The following KCNH5 variants were observed in gnomAD, a reference collection of about 807,000 sequenced individuals.
The protein encoded by KCNH5 is potassium voltage-gated channel subfamily H member 5, also known as voltage-gated delayed rectifier potassium channel KCNH5.
KCNH5 carries 46 observed loss-of-function variants against 96.1 expected under a neutral mutation model. That is an observed-to-expected ratio of 0.48 (90% CI 0.38 to 0.61). The LOEUF is 0.61. Ranked by LOEUF, KCNH5 falls within the 20% of genes least tolerant of loss-of-function variation. The pLI is 0.00. For synonymous variants in KCNH5, 439 were observed against 449.8 expected (o/e 0.98, Z 0.30); for missense variants, 907 against 1,225.8 (o/e 0.74, Z 3.88).
chr14:62,815,493 T>A (rs1886959702), intron 8 of KCNH5, among the ~76,000 whole-genome samples: 1 of 152,152 alleles, frequency 6.6e-6, no homozygotes, highest in African/African-American at 2.4e-5. Context: ...TATTTAAATA[T>A]TCTCACCACA....
chr14:62,901,516 A>T (rs1340503245), intron 7 of KCNH5, among the ~76,000 whole-genome samples: 1 of 152,196 alleles, frequency 6.6e-6, no homozygotes, highest in Admixed American at 6.5e-5. Context: ...ACTTAGGATA[A>T]TGGGTTCCAG....
intron 7 of KCNH5, among the ~76,000 whole-genome samples, chr14:62,917,131 A>G (rs1265022257): frequency 1.3e-5 from 2 of 152,226 alleles, no homozygotes; most frequent in Non-Finnish European, 2.9e-5. Flanking sequence ...ATATTAGAAA[A>G]TGATGACACT....
chr14:62,769,438 C>T (rs953050618), intron 10 of KCNH5, among the ~76,000 whole-genome samples: 5 of 152,200 alleles, frequency 3.3e-5, no homozygotes, highest in Non-Finnish European at 5.9e-5. Context: ...AAGTCCTTCA[C>T]AATGGGAATA....
chr14:62,708,087 T>C lies in KCNH5; in HGVS notation c.2388A>G (p.Lys796=). The change falls in exon 11 of 11, where the codon AAA becomes AAG. Residue 796 remains lysine (K), a synonymous_variant. Transcript: ENST00000322893. ...PNGGADQKCL[K]VNSPIRMKNG... ...TCTTCATTCTTATTGGGCTGTTGACTTTGAGACATTTTTGGTCAGCACCGC... is the reference window on the plus strand; with the variant it reads ...TCTTCATTCTTATTGGGCTGTTGACCTTGAGACATTTTTGGTCAGCACCGC... The C allele has an allele frequency of 6.2e-7, 1 of 1,614,254 alleles. No homozygotes were observed.
chr14:62,897,198 T>C (rs898844619), intron 7 of KCNH5, among the ~76,000 whole-genome samples: 2 of 152,066 alleles, frequency 1.3e-5, no homozygotes, highest in African/African-American at 4.8e-5. Context: ...TGAAAATGAC[T>C]AAAGACAATG....
chr14:62,961,986 T>C lies in KCNH5; in HGVS notation c.943-11427A>G, dbSNP rs548206473. On this transcript the variant is annotated intron_variant, in intron 6 of 10. Coordinates refer to ENST00000322893, the MANE Select transcript of KCNH5 (RefSeq NM_139318.5). ...ATGGAGACGGAGATGCAGATAGAGA[T>C]GCAGATGCAGATGGAGATGCAGATG... 2.0e-5 allele frequency among the ~76,000 whole-genome samples: 3 copies of C among 150,434 alleles called. No homozygotes were observed. In the South Asian group the frequency reaches 6.3e-4, roughly 32 times the overall value.
chr14:62,856,782 T>C (rs1407759126), intron 7 of KCNH5, among the ~76,000 whole-genome samples: 3 of 151,310 alleles, frequency 2.0e-5, no homozygotes, highest in Non-Finnish European at 2.9e-5. Context: ...ATTTCTATTT[T>C]CCAATCTTCA....
chr14:62,919,437 C>G (rs925581548), intron 7 of KCNH5, among the ~76,000 whole-genome samples: 1 of 151,998 alleles, frequency 6.6e-6, no homozygotes, highest in African/African-American at 2.4e-5. Flanking sequence ...AGGGATAAAA[C>G]GAAATTGGAA....
rs1324276517 is a variant in KCNH5 at position 62,714,103 on chromosome 14, G to A, written c.2020-5648C>T. Among the ~76,000 whole-genome samples, 50 of 147,886 alleles carry A rather than the reference G, an allele frequency of 3.4e-4. No homozygotes were observed. The Admixed American group carries it at 3.4e-3, about 10-fold the overall frequency. ...TTTGAGACCACCCTGGGTAACACAGGGAGACCCTATCTCTACAATAAAATT... is the reference window on the plus strand; with the variant it reads ...TTTGAGACCACCCTGGGTAACACAGAGAGACCCTATCTCTACAATAAAATT... On this transcript the variant is annotated intron_variant, in intron 10 of 10. Coordinates refer to ENST00000322893, the MANE Select transcript of KCNH5 (RefSeq NM_139318.5).
intron 1 of KCNH5, among the ~76,000 whole-genome samples, chr14:63,032,045 T>A (rs1329983594): frequency 6.6e-6 from 1 of 150,912 alleles, no homozygotes; most frequent in Non-Finnish European, 1.5e-5. Context: ...CACACAAATT[T>A]TAGAGTACTG....
chr14:62,881,162 A>G lies in KCNH5; in HGVS notation c.1370-31310T>C, dbSNP rs560297542. 3.3e-5 allele frequency among the ~76,000 whole-genome samples: 5 copies of G among 152,334 alleles called. No individual in the cohort carries two copies. The South Asian group carries it at 1.0e-3, about 32-fold the overall frequency. On this transcript the variant is annotated intron_variant, in intron 7 of 10. Transcript: ENST00000322893. ...CCACATTTTTCTACTCATATTTGGC[A>G]TTACAGGTAGTCAATGATACCCTGA...
In KCNH5 at chr14:62,799,691, TTATATATATA is replaced by T. The variant is rs71410693; in HGVS notation, c.1822+2628_1822+2637del. Among the ~76,000 whole-genome samples the T allele has an allele frequency of 1.0e-3, 58 of 58,020 alleles. 1 individual carries two copies. The highest frequency in any genetic ancestry group is 1.6e-3 in the East Asian group (2 of 1,258). 38.1% of individuals were successfully genotyped at this position (58,020 alleles called of 152,430 possible). On this transcript the variant is annotated intron_variant, in intron 9 of 10. Transcript: ENST00000322893. ...ATATATCTTTTCTATGTATATACCT[TTATATATATA>T]TATATATATATATATATATATATAT...
At chr14:62,893,295 C>A (rs1340206854) in intron 7 of KCNH5, among the ~76,000 whole-genome samples, 1 of 152,144 alleles carries the variant, frequency 6.6e-6, no homozygotes, top group Non-Finnish European at 1.5e-5. Context: ...ACCAAGAGAA[C>A]TAGAATTAGA....
chr14:62,798,333 G>A lies in KCNH5; in HGVS notation c.1822+3996C>T, dbSNP rs560604762. 4.6e-5 allele frequency among the ~76,000 whole-genome samples: 7 copies of A among 152,248 alleles called. No individual in the cohort carries two copies. The East Asian group carries it at 7.7e-4, about 17-fold the overall frequency. ...AACAAAACAAATGTCTTAGGAGCAC[G>A]GTCTATTGTTAGCAGGGAAATGTCA... On this transcript the variant is annotated intron_variant, in intron 9 of 10. Coordinates refer to ENST00000322893, the MANE Select transcript of KCNH5 (RefSeq NM_139318.5).
intron 10 of KCNH5, among the ~76,000 whole-genome samples, chr14:62,768,100 C>T (rs945274624): frequency 5.3e-5 from 8 of 152,038 alleles, no homozygotes; most frequent in Admixed American, 3.9e-4. Flanking sequence ...AATTACTTAA[C>T]GATCACAATG....
chr14:62,813,879 A>G (rs1886920840), intron 8 of KCNH5, among the ~76,000 whole-genome samples: 1 of 152,148 alleles, frequency 6.6e-6, no homozygotes, highest in Non-Finnish European at 1.5e-5. Flanking sequence ...TCACCTTTAT[A>G]TTTAAAGGAA....
chr14:62,772,564 G>T (rs1483358832), intron 10 of KCNH5, among the ~76,000 whole-genome samples: 1 of 151,488 alleles, frequency 6.6e-6, no homozygotes, highest in African/African-American at 2.4e-5. Flanking sequence ...TTGAACCTGG[G>T]AGGTGGAGGT....
intron 4 of KCNH5, among the ~76,000 whole-genome samples, chr14:62,997,899 CAAAAA>C (rs568941043): frequency 1.6e-4 from 10 of 60,810 alleles, no homozygotes; most frequent in East Asian, 7.6e-4. Context: ...GACTCCATCT[CAAAAA>C]AAAAAAAAAA....
At chr14:62,807,784 A>G (rs774347611) in intron 8 of KCNH5, among the ~76,000 whole-genome samples, 3 of 152,152 alleles carry the variant, frequency 2.0e-5, no homozygotes, top group Non-Finnish European at 4.4e-5. Flanking sequence ...AGCAAGTCAG[A>G]AAGTCCAAGA....
Sources: gnomAD v4.1 joint callset for allele counts (sites outside exome capture counted in the v4.1 genomes callset) on GRCh38, gnomAD v4.1.1 for gene constraint, MANE v1.5 for transcripts, NCBI Gene and HGNC (gene_info 2026-07-23, HGNC 2026-07-21) for gene names.